PRKCE: variants seen among roughly 807,000 people sequenced by gnomAD.
PRKCE encodes the protein protein kinase C epsilon type.
In PRKCE, 16 loss-of-function variants were observed where a neutral mutation model predicts 85.4. The observed-to-expected ratio is 0.19, with a 90% CI of 0.13 to 0.28. The LOEUF is 0.28. Among genes scored for constraint, PRKCE ranks in the 10% least tolerant of loss-of-function variants. The pLI is 1.00. For synonymous variants in PRKCE, 388 were observed against 371.5 expected, an observed-to-expected ratio of 1.04 and a Z score of -0.51; for missense variants, 573 against 975.2, an observed-to-expected ratio of 0.59 and a Z score of 5.49.
In PRKCE at chr2:46,184,309, G is replaced by C. The variant is rs960271024; in HGVS notation, c.2068-426G>C. Among the ~76,000 whole-genome samples the C allele has an allele frequency of 6.6e-6, 1 of 152,102 alleles. No homozygotes were observed. Among genetic ancestry groups the C allele is most frequent in the Non-Finnish European group, 1.5e-5 (1 of 68,018 alleles). Reference sequence around the variant, plus strand: ...ATGTGGCCGGGTTATGGGGAAGAAGGACCTCTGAGAGGGGATTCAGATCTG... The same window carrying C: ...ATGTGGCCGGGTTATGGGGAAGAAGCACCTCTGAGAGGGGATTCAGATCTG... On this transcript the variant is annotated intron_variant, in intron 14 of 14. Transcript: ENST00000306156. The surrounding 1 kb of genome is among the most constrained non-coding windows in gnomAD (Gnocchi z 5.0).
chr2:45,846,043 A>G (rs1260318890), intron 2 of PRKCE, among the ~76,000 whole-genome samples: 1 of 152,182 alleles, frequency 6.6e-6, no homozygotes, highest in East Asian at 1.9e-4. Flanking sequence ...AACCTGCTCA[A>G]AATGCTCTTA....
intron 2 of PRKCE, among the ~76,000 whole-genome samples, chr2:45,892,934 C>G (rs899258617): frequency 2.6e-5 from 4 of 152,142 alleles, no homozygotes; most frequent in African/African-American, 9.7e-5. Flanking sequence ...TTCTCAAGGG[C>G]AGCATCTCCA....
chr2:45,980,626 G>C (rs6705492), intron 5 of PRKCE, among the ~76,000 whole-genome samples: 4,059 of 152,308 alleles, frequency 0.027, 64 homozygotes, highest in Middle Eastern at 0.068. Context: ...TCCCAGCACT[G>C]AAGCCCACAA....
chr2:45,681,205 C>A (rs1383684327), intron 1 of PRKCE, among the ~76,000 whole-genome samples: 1 of 137,526 alleles, frequency 7.3e-6, no homozygotes, highest in Non-Finnish European at 1.5e-5. Context: ...AGGAGAAGCG[C>A]TTGAACCCAG....
At chr2:45,823,589 G>A (rs1689710190) in intron 1 of PRKCE, among the ~76,000 whole-genome samples, 2 of 152,204 alleles carry the variant, frequency 1.3e-5, no homozygotes, top group Non-Finnish European at 2.9e-5. Context: ...AGAAAGTCGG[G>A]GGTAGGGAGC....
intron 1 of PRKCE, among the ~76,000 whole-genome samples, chr2:45,720,915 T>G (rs1680565415): frequency 6.6e-6 from 1 of 152,116 alleles, no homozygotes; most frequent in African/African-American, 2.4e-5. Context: ...GAGACCAGCC[T>G]GGCCAATATG....
chr2:46,002,006 A>G (rs769249278), intron 7 of PRKCE, among the ~76,000 whole-genome samples: 3 of 152,234 alleles, frequency 2.0e-5, no homozygotes, highest in East Asian at 1.9e-4. Context: ...TCATACCAGC[A>G]CTGAGCTGCC....
intron 6 of PRKCE, among the ~76,000 whole-genome samples, chr2:45,987,018 G>A (rs1358780045): frequency 7.0e-6 from 1 of 141,878 alleles, no homozygotes; most frequent in Non-Finnish European, 1.5e-5. Flanking sequence ...GAACCCTGAT[G>A]AGCTGATGTC....
chr2:45,946,736 G>A lies in PRKCE; in HGVS notation c.413-29693G>A, dbSNP rs530915179. Reference sequence around the variant, plus strand: ...GACATGCTGGGTTAATAGCTCCCCTGCCTGCCCCATGGGATTTTGGTGGAA... The same window carrying A: ...GACATGCTGGGTTAATAGCTCCCCTACCTGCCCCATGGGATTTTGGTGGAA... On this transcript the variant is annotated intron_variant, in intron 2 of 14. Transcript: ENST00000306156. 7.1e-4 allele frequency among the ~76,000 whole-genome samples: 108 copies of A among 152,316 alleles called. 3 individuals are homozygous for A. Among genetic ancestry groups the A allele is most frequent in the Middle Eastern group, 3.4e-3 (1 of 294 alleles).
Position 45,930,658 on chromosome 2 carries a change from C to T in PRKCE, c.413-45771C>T, listed in dbSNP as rs1308308390. 2.0e-5 allele frequency among the ~76,000 whole-genome samples: 3 copies of T among 152,206 alleles called. No individual in the cohort carries two copies. The East Asian group carries it at 5.8e-4, about 29-fold the overall frequency. On this transcript the variant is annotated intron_variant, in intron 2 of 14. Transcript: ENST00000306156. ...CTCATGACTGGGAACAGAGCACCAT[C>T]GCTTGCATGATTTATTGCACCTAGA...
intron 1 of PRKCE, among the ~76,000 whole-genome samples, chr2:45,773,345 G>A (rs553255968): frequency 2.0e-5 from 3 of 152,256 alleles, no homozygotes; most frequent in Admixed American, 6.5e-5. Flanking sequence ...GATGATGGCC[G>A]AAGTAGTGAC....
chr2:45,870,913 G>A (rs1694043043), intron 2 of PRKCE, among the ~76,000 whole-genome samples: 2 of 152,206 alleles, frequency 1.3e-5, no homozygotes, highest in South Asian at 4.1e-4. Flanking sequence ...AACCCCAGTG[G>A]AACCAATGGC....
In PRKCE at chr2:46,104,298, T is replaced by TTTTTTTTG. The variant is rs200453231; in HGVS notation, c.1592+17943_1592+17944insGTTTTTTT. 5.1e-3 allele frequency among the ~76,000 whole-genome samples: 736 copies of TTTTTTTTG among 143,688 alleles called. 8 individuals are homozygous for TTTTTTTTG. Among genetic ancestry groups the TTTTTTTTG allele is most frequent in the East Asian group, 0.029 (141 of 4,780 alleles). 94.3% of individuals were successfully genotyped at this position (143,688 alleles called of 152,430 possible). A position where few individuals can be genotyped will look rare whatever the true frequency, so the allele number is the denominator to read the frequency against. ...ATCTTGAAACCCTTCACCTTGTACTTTTTTTTTTTTTTTTTTGCCATATCT... is the reference window on the plus strand; with the variant it reads ...ATCTTGAAACCCTTCACCTTGTACTTTTTTTTTGTTTTTTTTTTTTTTTTGCCATATCT... On this transcript the variant is annotated intron_variant, in intron 11 of 14. Transcript: ENST00000306156.
At chr2:45,799,954 A>G (rs1477230086) in intron 1 of PRKCE, among the ~76,000 whole-genome samples, 1 of 152,232 alleles carries the variant, frequency 6.6e-6, no homozygotes, top group Non-Finnish European at 1.5e-5. Flanking sequence ...CTTCTTGTCC[A>G]CAAGACAAAG....
chr2:46,045,372 C>T lies in PRKCE; in HGVS notation c.1437+34855C>T, dbSNP rs117662494. ...TTAAGGGCTGTTAAAGCAATTTTGA[C>T]CGTCCTCTTTGACATATACAGAATT... On this transcript the variant is annotated intron_variant, in intron 10 of 14. Transcript: ENST00000306156. Among the ~76,000 whole-genome samples, 96 of 152,322 alleles carry T rather than the reference C, an allele frequency of 6.3e-4. No individual in the cohort carries two copies. In the East Asian group the frequency reaches 0.018, roughly 28 times the overall value.
At chr2:45,961,243 C>G (rs556048989) in intron 2 of PRKCE, among the ~76,000 whole-genome samples, 3 of 152,286 alleles carry the variant, frequency 2.0e-5, no homozygotes, top group South Asian at 4.2e-4. Flanking sequence ...CTTTCCCCCC[C>G]CGATTTGGTT....
At chr2:45,877,043 C>T (rs1257953579) in intron 2 of PRKCE, among the ~76,000 whole-genome samples, 2 of 152,128 alleles carry the variant, frequency 1.3e-5, no homozygotes, top group Non-Finnish European at 2.9e-5. Flanking sequence ...AGAACTTTTA[C>T]CTTGTTTCTG....
intron 10 of PRKCE, among the ~76,000 whole-genome samples, chr2:46,077,310 C>G (rs1323583175): frequency 6.6e-6 from 1 of 151,948 alleles, no homozygotes; most frequent in East Asian, 1.9e-4. Flanking sequence ...TACTCATCTC[C>G]AAGCTTATCA....
chr2:46,160,185 A>G (rs1677614966), intron 14 of PRKCE: 2 of 171,640 alleles, frequency 1.2e-5, no homozygotes, highest in Non-Finnish European at 2.5e-5. Flanking sequence ...CAGAGCATGA[A>G]GCTGGGATTC....
Sources: gnomAD v4.1 joint callset for allele counts (sites outside exome capture counted in the v4.1 genomes callset) on GRCh38, gnomAD v4.1.1 for gene constraint, Gnocchi (gnomAD v3.1) non-coding constraint, MANE v1.5 for transcripts, NCBI Gene and HGNC (gene_info 2026-07-23, HGNC 2026-07-21) for gene names.